PIP5K1A: variants seen among roughly 807,000 people sequenced by gnomAD.
The protein encoded by PIP5K1A is phosphatidylinositol-4-phosphate 5-kinase type 1 alpha.
A neutral mutation model predicts 72.9 loss-of-function variants in PIP5K1A; 46 were observed. The observed-to-expected ratio is 0.63, with a 90% CI of 0.50 to 0.81. The LOEUF is 0.81. PIP5K1A is among the 30% of genes least tolerant of loss of function. The pLI, the probability that PIP5K1A is intolerant of heterozygous loss-of-function variation, is 0.00. For synonymous variants in PIP5K1A, 228 were observed against 255.1 expected (o/e 0.89, Z 1.01); for missense variants, 458 against 706.1 (o/e 0.65, Z 3.98).
At chr1:151,213,610 C>T (rs1200686293) in intron 1 of PIP5K1A, 4 of 152,142 alleles carry the variant, frequency 2.6e-5, no homozygotes, top group African/African-American at 9.7e-5. Flanking sequence ...GGTATGAGAA[C>T]GTAAGACTTA....
rs773022478 is a variant in PIP5K1A at position 151,224,414 on chromosome 1, A to G, written c.156+8A>G. 6.4e-7 allele frequency: 1 copy of G among 1,562,616 alleles called. No homozygotes were observed. The highest frequency in any genetic ancestry group is 8.8e-7 in the Non-Finnish European group (1 of 1,134,176). ...GATTCTTACATCTCATTGGTAGGCT[A>G]GAAATTATGCAACTCATCTTTTATT... On this transcript the variant is annotated splice_region_variant and intron_variant, in intron 3 of 15. Coordinates refer to ENST00000368888, the MANE Select transcript of PIP5K1A (RefSeq NM_001135638.2).
intron 1 of PIP5K1A, among the ~76,000 whole-genome samples, chr1:151,223,286 G>A (rs1489862380): frequency 1.3e-5 from 2 of 150,498 alleles, no homozygotes; most frequent in Admixed American, 6.7e-5. Context: ...GGAGAAGGAC[G>A]TTGCAGGGAG....
At chr1:151,231,378 A>T (rs587730760) in intron 4 of PIP5K1A, among the ~76,000 whole-genome samples, 140 of 152,034 alleles carry the variant, frequency 9.2e-4, no homozygotes, top group African/African-American at 3.3e-3. Flanking sequence ...CAAATATGGA[A>T]CTCTTGTTTA....
At chr1:151,241,087 C>T (rs1473525599) in intron 12 of PIP5K1A, among the ~76,000 whole-genome samples, 9 of 151,986 alleles carry the variant, frequency 5.9e-5, no homozygotes, top group African/African-American at 1.7e-4. Context: ...CACTTGAACA[C>T]GGTAGGCAGA....
intron 1 of PIP5K1A, among the ~76,000 whole-genome samples, chr1:151,204,210 CT>C (rs1213838460): frequency 6.6e-6 from 1 of 152,072 alleles, no homozygotes; most frequent in Non-Finnish European, 1.5e-5. Flanking sequence ...GAGTTTCGCT[CT>C]TGTTGCCCTG....
At position 151,234,337 on chromosome 1, in the gene PIP5K1A, C is replaced by G; in HGVS notation, c.780C>G (p.Leu260=). 6.2e-7 allele frequency: 1 copy of G among 1,614,070 alleles called. No homozygotes were observed. Among genetic ancestry groups the G allele is most frequent in the African/African-American group, 1.3e-5 (1 of 75,038 alleles). The change falls in exon 8 of 16, where the codon CTC becomes CTG. Residue 260 remains leucine (L), a synonymous_variant. Transcript: ENST00000368888. The stretch of plus-strand genomic sequence containing the variant: ...TAAAAATGCATATCAAATATGACCT[C>G]AAAGGCTCAACCTACAAACGGCGGG... ...RSVKMHIKYD[L]KGSTYKRRAS...
chr1:151,246,900 CA>C lies in PIP5K1A; in HGVS notation c.1641-19del, dbSNP rs1478281203. 6.3e-7 allele frequency: 1 copy of C among 1,598,378 alleles called. No homozygotes were observed. Among genetic ancestry groups the C allele is most frequent in the Admixed American group, 1.7e-5 (1 of 59,798 alleles). On this transcript the variant is annotated intron_variant, in intron 14 of 15. Coordinates refer to ENST00000368888, the MANE Select transcript of PIP5K1A (RefSeq NM_001135638.2). ...TTCTAATTCTTTTTCTCTCTGCTTC[CA>C]TTTTTTTTCTCCTGTTAGTACAACC... is the stretch of plus-strand genomic sequence containing the variant.
intron 1 of PIP5K1A, among the ~76,000 whole-genome samples, chr1:151,205,154 C>G (rs1359729828): frequency 2.0e-5 from 3 of 152,068 alleles, no homozygotes; most frequent in Non-Finnish European, 4.4e-5. Flanking sequence ...TTAAATTGTT[C>G]TCTCCTAGAA....
rs143956376 is a variant in PIP5K1A, at chr1:151,218,951, C to G, written c.86-5294C>G. On this transcript the variant is annotated intron_variant, in intron 1 of 15. Transcript: ENST00000368888. ...CACTGCCTATGCTTTGATTTTGAGC[C>G]CATTCCTTAACCTCTTCTTCTGTGT... 3.2e-3 allele frequency among the ~76,000 whole-genome samples: 492 copies of G among 152,054 alleles called. 2 individuals carry two copies. The highest frequency in any genetic ancestry group is 0.014 in the Middle Eastern group (4 of 290).
At chr1:151,238,098 T>G in intron 9 of PIP5K1A, 84 bp from the exon 10 acceptor site, 1 of 791,422 alleles carries the variant, frequency 1.3e-6, no homozygotes, top group Admixed American at 1.9e-5. Context: ...GATGAGGCAG[T>G]TATGTGTAGG....
chr1:151,205,460 G>T (rs1685797914), intron 1 of PIP5K1A, among the ~76,000 whole-genome samples: 1 of 151,950 alleles, frequency 6.6e-6, no homozygotes, highest in African/African-American at 2.4e-5. Flanking sequence ...ACAGGCGTGA[G>T]CTACTGCCCG....
Position 151,242,573 on chromosome 1 carries a change from T to C in PIP5K1A, c.1640+6T>C. ...TTGCAAATGCTAACTACAAGGTTGG[T>C]TTATTGGCCCCTTTCTCCATATAAT... On this transcript the variant is annotated splice_donor_region_variant and intron_variant, in intron 14 of 15. Coordinates refer to ENST00000368888, the MANE Select transcript of PIP5K1A (RefSeq NM_001135638.2). 6.2e-7 allele frequency: 1 copy of C among 1,612,722 alleles called. No individual in the cohort carries two copies. Among genetic ancestry groups the C allele is most frequent in the South Asian group, 1.1e-5 (1 of 91,054 alleles).
At chr1:151,198,262 G>C (rs936643934), upstream of PIP5K1A, 2 of 360,946 alleles carry the variant, frequency 5.5e-6, no homozygotes, top group African/African-American at 4.3e-5. Context: ...CTCCCGCAGA[G>C]AGTTCTTTCC....
At position 151,231,707 on chromosome 1, in the gene PIP5K1A, G is replaced by C; in HGVS notation, c.274G>C (p.Gly92Arg). 1.2e-6 allele frequency: 2 copies of C among 1,613,776 alleles called. No homozygotes were observed. Among genetic ancestry groups the C allele is most frequent in the Non-Finnish European group, 1.7e-6 (2 of 1,179,732 alleles). ...AGCCTTGAAAGGTGCCATCCAGTTAGGCATTACCCACACTGTGGGGAGCCT... is the reference window on the plus strand; with the variant it reads ...AGCCTTGAAAGGTGCCATCCAGTTACGCATTACCCACACTGTGGGGAGCCT... ...SSALKGAIQL[G>R]ITHTVGSLST... Residue 92 changes from glycine to arginine, a missense_variant, in exon 5 of 16, where the codon GGC becomes CGC. This residue lies in a region of PIP5K1A where 220 missense variants were observed against 442.6 expected (regional missense o/e 0.50). Transcript: ENST00000368888.
chr1:151,249,062 T>C lies in PIP5K1A; in HGVS notation c.*1197T>C, dbSNP rs1346474646. On this transcript the variant is annotated 3_prime_UTR_variant, in exon 16 of 16. Coordinates refer to ENST00000368888, the MANE Select transcript of PIP5K1A (RefSeq NM_001135638.2). ...CTACATATGCCCTCTCCTCCCCGTC[T>C]ACAAGAGTTGTGGTTTTCCATCTGA... 2.6e-5 allele frequency: 4 copies of C among 152,208 alleles called. No homozygotes were observed. The highest frequency in any genetic ancestry group is 4.4e-5 in the Non-Finnish European group (3 of 68,044). 9.4% of individuals were successfully genotyped at this position (152,208 alleles called of 1,614,324 possible). A position where few individuals can be genotyped will look rare whatever the true frequency, so the allele number is the denominator to read the frequency against.
At chr1:151,217,534 G>A (rs1687816776) in intron 1 of PIP5K1A, among the ~76,000 whole-genome samples, 1 of 152,088 alleles carries the variant, frequency 6.6e-6, no homozygotes, top group Non-Finnish European at 1.5e-5. Flanking sequence ...TGTACAGTAG[G>A]TGGAATTGTT....
rs199687721 is a variant in PIP5K1A at position 151,238,906 on chromosome 1, C to CAA, written c.1230-224_1230-223insAA. Among the ~76,000 whole-genome samples, 941 of 152,272 alleles carry CAA rather than the reference C, an allele frequency of 6.2e-3. 5 individuals carry two copies. The highest frequency in any genetic ancestry group is 0.019 in the Admixed American group (298 of 15,294). On this transcript the variant is annotated intron_variant, in intron 10 of 15. Transcript: ENST00000368888. ...TGTCAGGGACATAAATTGCCCTTTT[C>CAA]CCATGGGGGGAATAATTGACTTACC...
At chr1:151,225,723 G>A (rs1040392750) in intron 3 of PIP5K1A, among the ~76,000 whole-genome samples, 4 of 151,764 alleles carry the variant, frequency 2.6e-5, no homozygotes, top group Non-Finnish European at 5.9e-5. Flanking sequence ...ACCCGCCTTG[G>A]CCTCCCAATG....
chr1:151,222,188 G>C (rs1426061630), intron 1 of PIP5K1A, among the ~76,000 whole-genome samples: 2 of 152,134 alleles, frequency 1.3e-5, no homozygotes, highest in Admixed American at 1.3e-4. Context: ...GTGTGCCATA[G>C]GGGCAAAACT....
Sources: allele counts gnomAD v4.1 joint callset (sites outside exome capture counted in the v4.1 genomes callset), GRCh38; gene constraint gnomAD v4.1.1; regional missense constraint gnomAD v4.1.1; transcripts MANE v1.5; gene names NCBI Gene and HGNC (gene_info 2026-07-23, HGNC 2026-07-21).